The following FZD3 variants were observed in gnomAD, a reference collection of about 807,000 sequenced individuals.
FZD3 encodes the protein frizzled-3.
A neutral mutation model predicts 60.7 loss-of-function variants in FZD3; 30 were observed. The ratio of observed to expected loss-of-function variants is 0.49; its 90% CI spans 0.37 to 0.67. The LOEUF (loss-of-function observed/expected upper bound fraction) is 0.67. Ranked by LOEUF, FZD3 falls within the 30% of genes least tolerant of loss-of-function variation. The pLI is 0.00. For missense variants in FZD3, 605 were observed against 838.7 expected (o/e 0.72, Z 3.44); for synonymous variants, 246 against 275.2 (o/e 0.89, Z 1.05).
intron 7 of FZD3, among the ~76,000 whole-genome samples, chr8:28,557,086 G>A (rs1172169194): frequency 2.6e-5 from 4 of 152,018 alleles, no homozygotes; most frequent in African/African-American, 9.7e-5. Context: ...GCAGGCACCT[G>A]TAATCCCAGC....
At chr8:28,553,214 G>C (rs1365325429) in intron 6 of FZD3, among the ~76,000 whole-genome samples, 1 of 152,176 alleles carries the variant, frequency 6.6e-6, no homozygotes. Flanking sequence ...AGAAGGGGAT[G>C]AGTTCACTCA....
In FZD3 at chr8:28,573,972, T is replaced by C. The variant is rs1051590538; in HGVS notation, c.*10961T>C. On this transcript the variant is annotated 3_prime_UTR_variant, in exon 8 of 8. Transcript: ENST00000240093. The stretch of plus-strand genomic sequence containing the variant: ...GCATTAGTTCTTCATGTTTCTTTTT[T>C]ATATGTTTATTAAAATTGTTCACTT... The C allele has an allele frequency of 1.3e-5, 2 of 152,186 alleles. No individual in the cohort carries two copies. The highest frequency in any genetic ancestry group is 2.9e-5 in the Non-Finnish European group (2 of 68,014). 9.4% of individuals were successfully genotyped at this position (152,186 alleles called of 1,614,324 possible).
At position 28,496,125 on chromosome 8, in the gene FZD3, G is replaced by T. The variant is rs7824052; in HGVS notation, c.-391+1782G>T. Among the ~76,000 whole-genome samples the T allele has an allele frequency of 5.3e-3, 813 of 152,264 alleles. 4 individuals are homozygous for T. Among genetic ancestry groups the T allele is most frequent in the African/African-American group, 0.019 (783 of 41,526 alleles). ...TGATTGAGATATTTGAAGTAGAGAG[G>T]GCTAGGGGAATTTAATAGCAAAGTG... On this transcript the variant is annotated intron_variant, in intron 1 of 7. Coordinates refer to ENST00000240093, the MANE Select transcript of FZD3 (RefSeq NM_017412.4).
intron 4 of FZD3, 89 bp downstream of exon 4, chr8:28,520,923 CTTT>C (rs1410035093): frequency 2.7e-5 from 25 of 912,626 alleles, no homozygotes; most frequent in Non-Finnish European, 3.7e-5. Flanking sequence ...TTTTAAAAAA[CTTT>C]TTTTGAAGTG....
chr8:28,522,110 T>G (rs13281640), intron 4 of FZD3, among the ~76,000 whole-genome samples: 1 of 147,994 alleles, frequency 6.8e-6, no homozygotes, highest in Non-Finnish European at 1.5e-5. Context: ...TTCTCTTTTT[T>G]TTTTTTTTTT....
chr8:28,565,815 A>T lies in FZD3; in HGVS notation c.*2804A>T, dbSNP rs1805695566. 1 of 152,174 alleles carries T rather than the reference A, an allele frequency of 6.6e-6. No homozygotes were observed. Among genetic ancestry groups the T allele is most frequent in the Non-Finnish European group, 1.5e-5 (1 of 68,002 alleles). The allele number at this position is 152,174 out of a possible 1,614,324, so 9.4% of individuals were successfully genotyped here. A position where few individuals can be genotyped will look rare whatever the true frequency, so the allele number is the denominator to read the frequency against. On this transcript the variant is annotated 3_prime_UTR_variant, in exon 8 of 8. Transcript: ENST00000240093. ...AGTCTAACTAGCTTAAACCAATCTG[A>T]ATAAGTCTGGACAGTTTTCCTACCA...
intron 1 of FZD3, among the ~76,000 whole-genome samples, chr8:28,499,116 A>C (rs1803923220): frequency 6.6e-6 from 1 of 152,218 alleles, no homozygotes; most frequent in South Asian, 2.1e-4. Flanking sequence ...CAGATTTAGC[A>C]GAGTTAATTA....
At chr8:28,514,903 G>A (rs1804384236) in intron 3 of FZD3, among the ~76,000 whole-genome samples, 1 of 152,038 alleles carries the variant, frequency 6.6e-6, no homozygotes, top group Non-Finnish European at 1.5e-5. Flanking sequence ...TTTTACTTAT[G>A]GGTTATTAAG....
intron 7 of FZD3, 122 bp from the exon 8 acceptor site, chr8:28,562,676 T>C: frequency 4.6e-6 from 3 of 656,006 alleles, no homozygotes; most frequent in Non-Finnish European, 2.7e-6. Context: ...AGTTGGTTAT[T>C]ACTTTCTCAT....
intron 3 of FZD3, among the ~76,000 whole-genome samples, chr8:28,508,425 C>CTTTTTTTTTTTT: frequency 7.7e-6 from 1 of 129,842 alleles, no homozygotes; most frequent in Non-Finnish European, 1.6e-5. Context: ...CTAGGGAATA[C>CTTTTTTTTTTTT]TTTTTTTTTT....
At position 28,537,076 on chromosome 8, in the gene FZD3, G is replaced by C. The variant is rs1344470698; in HGVS notation, c.1404+8912G>C. ...ATCCTGCCTACCTATGACTTCCTAG[G>C]GCCAAACCTCAAAATTATTTAGTTT... On this transcript the variant is annotated intron_variant, in intron 5 of 7. Transcript: ENST00000240093. Among the ~76,000 whole-genome samples the C allele has an allele frequency of 2.0e-5, 3 of 151,900 alleles. No individual in the cohort carries two copies. The East Asian group carries it at 5.8e-4, about 29-fold the overall frequency.
chr8:28,514,620 A>G (rs1346491447), intron 3 of FZD3, among the ~76,000 whole-genome samples: 1 of 152,202 alleles, frequency 6.6e-6, no homozygotes, highest in Non-Finnish European at 1.5e-5. Context: ...AGAGTTTTGT[A>G]TAAATAGAAT....
intron 3 of FZD3, among the ~76,000 whole-genome samples, chr8:28,504,904 C>T (rs970023689): frequency 2.6e-5 from 4 of 152,162 alleles, no homozygotes; most frequent in African/African-American, 9.7e-5. Context: ...CTAGATATTT[C>T]AGTGACAATG....
intron 3 of FZD3, among the ~76,000 whole-genome samples, chr8:28,511,397 A>C (rs1804285231): frequency 2.0e-5 from 3 of 152,144 alleles, no homozygotes; most frequent in Non-Finnish European, 4.4e-5. Flanking sequence ...GAGGCAGGAT[A>C]ATAGCTTGAA....
At chr8:28,525,837 A>G (rs1804701198) in intron 4 of FZD3, among the ~76,000 whole-genome samples, 1 of 152,166 alleles carries the variant, frequency 6.6e-6, no homozygotes, top group Non-Finnish European at 1.5e-5. Context: ...GGGCACCAGC[A>G]GGGGAGGAAA....
intron 5 of FZD3, among the ~76,000 whole-genome samples, chr8:28,548,827 C>T (rs1395081988): frequency 1.3e-5 from 2 of 152,102 alleles, no homozygotes; most frequent in Non-Finnish European, 2.9e-5. Context: ...GGAGAATCTG[C>T]ATTCTTATGA....
At chr8:28,533,391 C>CT (rs1281881331) in intron 5 of FZD3, among the ~76,000 whole-genome samples, 5 of 152,074 alleles carry the variant, frequency 3.3e-5, no homozygotes, top group Admixed American at 2.6e-4. Context: ...CTACTGCTTT[C>CT]TTTAGAATTA....
chr8:28,562,948 G>C lies in FZD3; in HGVS notation c.1938G>C (p.Met646Ile), dbSNP rs771563740. The C allele has an allele frequency of 6.2e-7, 1 of 1,613,640 alleles. No individual in the cohort carries two copies. The highest frequency in any genetic ancestry group is 2.2e-5 in the East Asian group (1 of 44,880). The change falls in exon 8 of 8, where the codon ATG becomes ATC. Residue 646 changes from methionine to isoleucine, a missense_variant. Coordinates refer to ENST00000240093, the MANE Select transcript of FZD3 (RefSeq NM_017412.4). The stretch of plus-strand genomic sequence containing the variant: ...TCAGAGATCTCAGTAATAATCCCAT[G>C]ACTCATATCACACATGGCACCAGCA... ...SSIRDLSNNPMTHITHGTSMN... is the reference protein window; with the variant it reads ...SSIRDLSNNPITHITHGTSMN...
At position 28,571,274 on chromosome 8, in the gene FZD3, T is replaced by G. The variant is rs1262078237; in HGVS notation, c.*8263T>G. On this transcript the variant is annotated 3_prime_UTR_variant, in exon 8 of 8. Coordinates refer to ENST00000240093, the MANE Select transcript of FZD3 (RefSeq NM_017412.4). ...ATTTTTAAAAGGAAATTAACAAATGTCTTCCTTTATCCCTGCCTCAGATAA... is the reference window on the plus strand; with the variant it reads ...ATTTTTAAAAGGAAATTAACAAATGGCTTCCTTTATCCCTGCCTCAGATAA... 6.6e-6 allele frequency: 1 copy of G among 152,200 alleles called. No individual in the cohort carries two copies. Among genetic ancestry groups the G allele is most frequent in the Non-Finnish European group, 1.5e-5 (1 of 68,020 alleles). 9.4% of individuals were successfully genotyped at this position (152,200 alleles called of 1,614,324 possible).
Sources: gnomAD v4.1 joint callset for allele counts (sites outside exome capture counted in the v4.1 genomes callset) on GRCh38, gnomAD v4.1.1 for gene constraint, MANE v1.5 for transcripts, NCBI Gene and HGNC (gene_info 2026-07-23, HGNC 2026-07-21) for gene names.